NEB: variants seen among roughly 807,000 people sequenced by gnomAD.
The protein encoded by NEB is nemaline myopathy type 2.
Under a neutral mutation model 952.2 loss-of-function variants are expected in NEB, and 512 were observed. That is an observed-to-expected ratio of 0.54 (90% CI 0.50 to 0.58). The LOEUF is 0.58. Among genes scored for constraint, NEB ranks in the 20% least tolerant of loss-of-function variants. The pLI, the probability that NEB is intolerant of heterozygous loss-of-function variation, is 0.00. For missense variants in NEB, 8,428 were observed against 9,231.1 expected (o/e 0.91, Z 3.56); for synonymous variants, 2,900 against 3,149.8 (o/e 0.92, Z 2.66).
chr2:151,729,097 T>C (rs2099799295), intron 4 of NEB, among the ~76,000 whole-genome samples: 1 of 152,124 alleles, frequency 6.6e-6, no homozygotes, highest in Admixed American at 6.5e-5. Flanking sequence ...ACGTGGAATA[T>C]TTATGGTAAT....
At position 151,725,511 on chromosome 2, in the gene NEB, C is replaced by G; in HGVS notation, c.344G>C (p.Ser115Thr). ...GCGAAGTTCTGGAGTATCTGTTGTG[C>G]TGGCGTATGGCTGTCCTTTTGTTTT... Reference protein sequence around the residue: ...FEKTKGQPYASTTDTPELRRI... With the variant: ...FEKTKGQPYATTTDTPELRRI... Residue 115 changes from serine to threonine, a missense_variant, in exon 6 of 182, where the codon AGC (serine) becomes ACC (threonine). Physicochemically the swap from Ser to Thr is moderately conservative, Grantham distance 58. Around this residue, in one of 11 missense-constraint regions of NEB, gnomAD observed 2,851 missense variants for 2,791.5 expected, o/e 1.02. Transcript: ENST00000397345. 6.2e-7 allele frequency: 1 copy of G among 1,613,732 alleles called. No homozygotes were observed. The highest frequency in any genetic ancestry group is 1.7e-5 in the Admixed American group (1 of 60,004).
At chr2:151,664,968 A>C (rs1191409841) in intron 42 of NEB, 105 bp from the exon 43 acceptor site, 1 of 791,054 alleles carries the variant, frequency 1.3e-6, no homozygotes, top group Non-Finnish European at 2.0e-6. Context: ...GGTTAAATGG[A>C]TATTAGAAAA....
chr2:151,505,701 T>G, intron 164 of NEB, 131 bp from the exon 165 acceptor site: 1 of 728,420 alleles, frequency 1.4e-6, no homozygotes, highest in South Asian at 1.6e-5. Flanking sequence ...GCTTTATACT[T>G]AGTGTGAATG....
intron 123 of NEB, 147 bp downstream of exon 123, chr2:151,560,857 A>G: frequency 1.3e-6 from 1 of 752,142 alleles, no homozygotes; most frequent in South Asian, 2.0e-5. Context: ...ACCTACTAGA[A>G]TTTTATGAGG....
chr2:151,512,414 C>T (rs1038180678), intron 161 of NEB, among the ~76,000 whole-genome samples: 4 of 151,958 alleles, frequency 2.6e-5, no homozygotes, highest in South Asian at 4.2e-4. Flanking sequence ...CAGCCTCAAC[C>T]GCCTGGGCTC....
At chr2:151,492,050 A>G (rs1281868708) in intron 178 of NEB, 48 bp downstream of exon 178, 5 of 1,568,152 alleles carry the variant, frequency 3.2e-6, no homozygotes, top group Admixed American at 1.7e-5. Flanking sequence ...TTGTTCTTCT[A>G]CCCCCTCACT....
chr2:151,639,464 T>C, intron 62 of NEB, 80 bp from the exon 63 acceptor site: 1 of 1,045,786 alleles, frequency 9.6e-7, no homozygotes, highest in Non-Finnish European at 1.3e-6. Context: ...ACAAAAACTT[T>C]ATAAAAAAAA....
chr2:151,707,367 G>T (rs1183884994), intron 12 of NEB, among the ~76,000 whole-genome samples: 1 of 152,180 alleles, frequency 6.6e-6, no homozygotes, highest in Non-Finnish European at 1.5e-5. Flanking sequence ...GATACCTGCT[G>T]CTATAGAACC....
At chr2:151,540,600 T>C in intron 137 of NEB, 97 bp downstream of exon 137, 1 of 1,187,292 alleles carries the variant, frequency 8.4e-7, no homozygotes, top group South Asian at 1.3e-5. Context: ...GAGCACCATT[T>C]ATAGTAATGA....
Position 151,497,687 on chromosome 2 carries a change from G to T in NEB, c.24239C>A (p.Thr8080Asn). 1 of 1,583,226 alleles carries T rather than the reference G, an allele frequency of 6.3e-7. No individual in the cohort carries two copies. Among genetic ancestry groups the T allele is most frequent in the South Asian group, 1.2e-5 (1 of 86,846 alleles). ...CATCTCGGGAGTGACAGGTAAAGGG[G>T]TTCCCTTGCCCATGTTTTCTTTGTA... ...VLYKENMGKG[T>N]PLPVTPEMER... Residue 8080 changes from threonine (T) to asparagine (N), a missense_variant, in exon 171 of 182, where the codon ACC (threonine) becomes AAC (asparagine). Transcript: ENST00000397345.
intron 108 of NEB, 43 bp from the exon 109 acceptor site, chr2:151,570,435 CTT>C: frequency 6.3e-7 from 1 of 1,583,006 alleles, no homozygotes; most frequent in South Asian, 1.2e-5. Flanking sequence ...AGCATGTCCT[CTT>C]GATGCACCTA....
intron 46 of NEB, among the ~76,000 whole-genome samples, chr2:151,660,884 T>C (rs1040785698): frequency 1.3e-5 from 2 of 152,208 alleles, no homozygotes; most frequent in African/African-American, 2.4e-5. Flanking sequence ...CCTAGCCACA[T>C]AGGCCGATTG....
chr2:151,650,706 T>C lies in NEB; in HGVS notation c.7095A>G (p.Gly2365=). 2 of 1,613,948 alleles carry C rather than the reference T, an allele frequency of 1.2e-6. No individual in the cohort carries two copies. The highest frequency in any genetic ancestry group is 1.7e-6 in the Non-Finnish European group (2 of 1,179,864). ...CCTGACACTTCTTGGCCAGTACCAC[T>C]CCCAACATGTCCACTGGGCTGGAGA... is the stretch of plus-strand genomic sequence containing the variant. ...TKFSSPVDML[G]VVLAKKCQEL... Residue 2365 remains glycine, a synonymous_variant, in exon 53 of 182, where the codon GGA becomes GGG. Coordinates refer to ENST00000397345, the MANE Select transcript of NEB (RefSeq NM_001164508.2).
At chr2:151,625,861 AAC>A (rs1045737151) in intron 70 of NEB, among the ~76,000 whole-genome samples, 5 of 151,940 alleles carry the variant, frequency 3.3e-5, no homozygotes, top group African/African-American at 9.7e-5. Context: ...CATATAATCA[AAC>A]ACACACACAC....
At position 151,665,559 on chromosome 2, in the gene NEB, AT is replaced by A; in HGVS notation, c.5032-21del. The A allele has an allele frequency of 6.5e-7, 1 of 1,533,086 alleles. No individual in the cohort carries two copies. The allele number at this position is 1,533,086 out of a possible 1,614,324, so 95.0% of individuals were successfully genotyped here. On this transcript the variant is annotated intron_variant, in intron 41 of 181. Transcript: ENST00000397345. The stretch of plus-strand genomic sequence containing the variant: ...CAGATTCTTTACAATGAGAAAAAAA[AT>A]TTCATTTCAGAAAGAGTCAGGGCTT...
intron 124 of NEB, among the ~76,000 whole-genome samples, chr2:151,557,772 T>C (rs973604851): frequency 6.6e-6 from 1 of 152,184 alleles, no homozygotes; most frequent in Non-Finnish European, 1.5e-5. Context: ...AAAAACCACA[T>C]GATTATCTCA....
intron 13 of NEB, among the ~76,000 whole-genome samples, chr2:151,698,939 T>C (rs1468128238): frequency 6.8e-6 from 1 of 146,880 alleles, no homozygotes; most frequent in South Asian, 2.3e-4. Context: ...TACATATGTA[T>C]ACATGTGCCA....
At chr2:151,692,001 T>A (rs766502846) in intron 22 of NEB, 33 bp from the exon 23 acceptor site, 1 of 1,608,536 alleles carries the variant, frequency 6.2e-7, no homozygotes, top group South Asian at 1.1e-5. Context: ...TAGATCATGA[T>A]TGTTATGGCT....
rs762030848 is a variant in NEB at position 151,565,756 on chromosome 2, T to A, written c.18221A>T (p.Asp6074Val). The A allele has an allele frequency of 1.9e-6, 3 of 1,612,428 alleles. No individual in the cohort carries two copies. In the Admixed American group the frequency reaches 5.0e-5, roughly 27 times the overall value. The part of the protein sequence containing the change: ...GIGWIPLDSV[D>V]HVRVTKNQEM... Reference sequence around the variant, plus strand: ...CTGGTTCTTAGTAACCCTTACATGGTCCACAGAATCCAGTGGGATCCAGCC... The same window carrying A: ...CTGGTTCTTAGTAACCCTTACATGGACCACAGAATCCAGTGGGATCCAGCC... The change falls in exon 115 of 182, where the codon GAC becomes GTC. Residue 6074 changes from aspartate (D) to valine (V), a missense_variant. Asp to Val is a radical substitution (Grantham distance 152). This residue lies in a region of NEB where 3,374 missense variants were observed against 3,651.5 expected (regional missense o/e 0.92). Transcript: ENST00000397345.
Sources: allele counts gnomAD v4.1 joint callset (sites outside exome capture counted in the v4.1 genomes callset), GRCh38; gene constraint gnomAD v4.1.1; regional missense constraint gnomAD v4.1.1; transcripts MANE v1.5; gene names NCBI Gene and HGNC (gene_info 2026-07-23, HGNC 2026-07-21).